Variants in SEMA5A observed in about 807,000 individuals in gnomAD.
SEMA5A encodes the protein semaphorin 5A.
In SEMA5A, 55 loss-of-function variants were observed where a neutral mutation model predicts 135.5. The ratio of observed to expected loss-of-function variants is 0.41; its 90% CI spans 0.33 to 0.51. The LOEUF is 0.51. Among genes scored for constraint, SEMA5A ranks in the 20% least tolerant of loss-of-function variants. SEMA5A has a pLI of 0.37. For missense variants in SEMA5A, 1,290 were observed against 1,419.9 expected, an observed-to-expected ratio of 0.91 and a Z score of 1.47; for synonymous variants, 580 against 546.5, an observed-to-expected ratio of 1.06 and a Z score of -0.85.
chr5:9,300,229 T>C (rs1348603754), intron 5 of SEMA5A, among the ~76,000 whole-genome samples: 3 of 152,112 alleles, frequency 2.0e-5, no homozygotes, highest in East Asian at 1.9e-4. Flanking sequence ...GGTTTCGCCA[T>C]GTTACCCAGG....
chr5:9,082,346 C>G (rs779741005), intron 16 of SEMA5A, among the ~76,000 whole-genome samples: 1 of 152,116 alleles, frequency 6.6e-6, no homozygotes, highest in Admixed American at 6.6e-5. Flanking sequence ...AAATATCCAC[C>G]TCCTTTAACA....
chr5:9,409,574 G>A lies in SEMA5A; in HGVS notation c.-78+28182C>T, dbSNP rs144514186. On this transcript the variant is annotated intron_variant, in intron 2 of 22. Transcript: ENST00000382496. ...CACCTGTGAGGGGACCTTTACCTGC[G>A]TGTGCTGGAGGCTCCTCAGCTGTTT... is the stretch of plus-strand genomic sequence containing the variant. Among the ~76,000 whole-genome samples, 14 of 152,262 alleles carry A rather than the reference G, an allele frequency of 9.2e-5. No individual in the cohort carries two copies. In the East Asian group the frequency reaches 1.4e-3, roughly 15 times the overall value.
chr5:9,157,421 G>T (rs1476654805), intron 11 of SEMA5A, among the ~76,000 whole-genome samples: 1 of 152,138 alleles, frequency 6.6e-6, no homozygotes, highest in African/African-American at 2.4e-5. Flanking sequence ...TCTCCATGTG[G>T]CCTACCAGCA....
chr5:9,326,204 C>T (rs369066825), intron 4 of SEMA5A, among the ~76,000 whole-genome samples: 1 of 152,138 alleles, frequency 6.6e-6, no homozygotes, highest in Non-Finnish European at 1.5e-5. Context: ...AGTATAGTGA[C>T]ATCCTACATG....
chr5:9,227,917 A>G (rs1318781403), intron 6 of SEMA5A, among the ~76,000 whole-genome samples: 1 of 152,194 alleles, frequency 6.6e-6, no homozygotes, highest in Non-Finnish European at 1.5e-5. Context: ...GATGTTCGAA[A>G]CATTTGGGAC....
rs565123737 is a variant in SEMA5A at position 9,088,563 on chromosome 5, G to A, written c.2073+19577C>T. Among the ~76,000 whole-genome samples, 94 of 148,442 alleles carry A rather than the reference G, an allele frequency of 6.3e-4. 1 individual carries two copies. In the South Asian group the frequency reaches 0.019, roughly 30 times the overall value. On this transcript the variant is annotated intron_variant, in intron 16 of 22. Coordinates refer to ENST00000382496, the MANE Select transcript of SEMA5A (RefSeq NM_003966.3). ...GTACATTACAAAATGTCGGGAATGA[G>A]ATGCATGGTTGTTCAAACAAGAATT...
Position 9,269,553 on chromosome 5 carries a change from A to T in SEMA5A, c.271-31663T>A, listed in dbSNP as rs192963130. Among the ~76,000 whole-genome samples the T allele has an allele frequency of 3.2e-4, 49 of 152,266 alleles. 2 individuals carry two copies. In the East Asian group the frequency reaches 8.3e-3, roughly 26 times the overall value. ...TAATAAATGCCCTAATTACCAAAAA[A>T]TGGTGAGGTAGAGCTTGAAGGAGAT... On this transcript the variant is annotated intron_variant, in intron 5 of 22. Coordinates refer to ENST00000382496, the MANE Select transcript of SEMA5A (RefSeq NM_003966.3).
At chr5:9,216,098 T>C (rs997177533) in intron 8 of SEMA5A, among the ~76,000 whole-genome samples, 3 of 152,232 alleles carry the variant, frequency 2.0e-5, no homozygotes, top group South Asian at 2.1e-4. Flanking sequence ...TAATTTGAGG[T>C]CTTCCTAACT....
chr5:9,452,463 C>G (rs1758681009), intron 1 of SEMA5A, among the ~76,000 whole-genome samples: 1 of 152,180 alleles, frequency 6.6e-6, no homozygotes, highest in Non-Finnish European at 1.5e-5. Flanking sequence ...AATACACACT[C>G]TCTCAGGCAA....
intron 16 of SEMA5A, among the ~76,000 whole-genome samples, chr5:9,098,473 G>A (rs547836803): frequency 6.2e-4 from 94 of 152,174 alleles, no homozygotes; most frequent in East Asian, 1.5e-3. Context: ...GCTCAAATCC[G>A]TCAGCAGCAC....
intron 3 of SEMA5A, among the ~76,000 whole-genome samples, chr5:9,360,775 C>T (rs1405898875): frequency 6.6e-6 from 1 of 152,138 alleles, no homozygotes; most frequent in Non-Finnish European, 1.5e-5. Flanking sequence ...AAAACTAGAA[C>T]TCTAAGGAAA....
At chr5:9,116,164 T>A (rs1740501006) in intron 15 of SEMA5A, among the ~76,000 whole-genome samples, 2 of 152,146 alleles carry the variant, frequency 1.3e-5, no homozygotes, top group South Asian at 4.1e-4. Context: ...TGAAGCCTGC[T>A]GAGGCCCCAA....
intron 19 of SEMA5A, among the ~76,000 whole-genome samples, chr5:9,052,819 A>C (rs980377903): frequency 2.6e-5 from 4 of 152,190 alleles, no homozygotes; most frequent in South Asian, 2.1e-4. Context: ...TAAAAAAAAA[A>C]AACTCTGGAT....
At chr5:9,198,556 G>T (rs1485880128) in intron 9 of SEMA5A, among the ~76,000 whole-genome samples, 1 of 152,170 alleles carries the variant, frequency 6.6e-6, no homozygotes, top group Non-Finnish European at 1.5e-5. Flanking sequence ...TTATGGAAAA[G>T]TAGGGCCTTG....
In SEMA5A at chr5:9,128,010, G is replaced by C. The variant is rs555988723; in HGVS notation, c.1600-5173C>G. Reference sequence around the variant, plus strand: ...TTCCTTAAAATAATCTCCTGTCCTGGAGGGAACCTGAGAATTTCCACTTTT... The same window carrying C: ...TTCCTTAAAATAATCTCCTGTCCTGCAGGGAACCTGAGAATTTCCACTTTT... On this transcript the variant is annotated intron_variant, in intron 13 of 22. Coordinates refer to ENST00000382496, the MANE Select transcript of SEMA5A (RefSeq NM_003966.3). 3.9e-5 allele frequency among the ~76,000 whole-genome samples: 6 copies of C among 152,336 alleles called. No individual in the cohort carries two copies. In the East Asian group the frequency reaches 1.2e-3, roughly 29 times the overall value.
At chr5:9,063,565 A>G (rs1470237752) in intron 17 of SEMA5A, among the ~76,000 whole-genome samples, 1 of 152,226 alleles carries the variant, frequency 6.6e-6, no homozygotes, top group Non-Finnish European at 1.5e-5. Flanking sequence ...TTCAGCTGTT[A>G]ACCTTTCAAA....
intron 1 of SEMA5A, among the ~76,000 whole-genome samples, chr5:9,478,098 G>A (rs1395686990): frequency 6.6e-6 from 1 of 152,220 alleles, no homozygotes; most frequent in African/African-American, 2.4e-5. Flanking sequence ...TCAGAAGGTA[G>A]CTTCCTTCTG....
chr5:9,213,617 C>T (rs753915310), intron 8 of SEMA5A, among the ~76,000 whole-genome samples: 2 of 152,294 alleles, frequency 1.3e-5, no homozygotes, highest in East Asian at 1.9e-4. Flanking sequence ...CCAAATCCTA[C>T]CTGCTGCCCA....
chr5:9,174,536 A>G (rs1231078295), intron 11 of SEMA5A, among the ~76,000 whole-genome samples: 2 of 152,154 alleles, frequency 1.3e-5, no homozygotes, highest in Non-Finnish European at 2.9e-5. Context: ...GCACTGGAGG[A>G]TGCACCCATT....
Sources: gnomAD v4.1 joint callset for allele counts (sites outside exome capture counted in the v4.1 genomes callset) on GRCh38, gnomAD v4.1.1 for gene constraint, MANE v1.5 for transcripts, NCBI Gene and HGNC (gene_info 2026-07-23, HGNC 2026-07-21) for gene names.